The following NRXN3 variants were observed in gnomAD, a reference collection of about 807,000 sequenced individuals.
NRXN3 encodes neurexin 3.
In NRXN3, 32 loss-of-function variants were observed where a neutral mutation model predicts 137.6. The ratio of observed to expected loss-of-function variants is 0.23; its 90% CI spans 0.18 to 0.31. The LOEUF (loss-of-function observed/expected upper bound fraction) is 0.31. NRXN3 is among the 10% of genes least tolerant of loss of function. The pLI is 1.00. For missense variants in NRXN3, 1,574 were observed against 2,062.5 expected, an observed-to-expected ratio of 0.76 and a Z score of 4.59; for synonymous variants, 798 against 784.5, an observed-to-expected ratio of 1.02 and a Z score of -0.29.
In NRXN3 at chr14:79,845,300, A is replaced by C. The variant is rs1262677085; in HGVS notation, c.4094-16042A>C. Among the ~76,000 whole-genome samples, 4 of 152,232 alleles carry C rather than the reference A, an allele frequency of 2.6e-5. No homozygotes were observed. In the East Asian group the frequency reaches 7.7e-4, roughly 29 times the overall value. ...TGGAACAACAATTTTAATCTCTTTC[A>C]AGAACTTTTCCTTTGCATTCACAAC... On this transcript the variant is annotated intron_variant, in intron 20 of 20. Transcript: ENST00000335750.
chr14:79,053,115 A>C (rs1027982664), intron 15 of NRXN3, among the ~76,000 whole-genome samples: 13 of 152,214 alleles, frequency 8.5e-5, no homozygotes, highest in Non-Finnish European at 1.8e-4. Context: ...AGATCTATGG[A>C]TGAAGAAGAC....
At position 79,535,411 on chromosome 14, in the gene NRXN3, A is replaced by C. The variant is rs558849908; in HGVS notation, c.3444+68009A>C. Among the ~76,000 whole-genome samples, 3 of 152,300 alleles carry C rather than the reference A, an allele frequency of 2.0e-5. No individual in the cohort carries two copies. The South Asian group carries it at 6.2e-4, about 32-fold the overall frequency. Reference sequence around the variant, plus strand: ...TCGGTTGCAGCATCAATTAAAATAGAAATTCATTATTGAAACCTCCAGAGT... The same window carrying C: ...TCGGTTGCAGCATCAATTAAAATAGCAATTCATTATTGAAACCTCCAGAGT... On this transcript the variant is annotated intron_variant, in intron 16 of 20. Transcript: ENST00000335750.
intron 15 of NRXN3, among the ~76,000 whole-genome samples, chr14:79,413,965 G>A (rs2095458998): frequency 6.7e-6 from 1 of 150,118 alleles, no homozygotes; most frequent in Admixed American, 6.7e-5. Context: ...GGCAGTGCAT[G>A]GCCTGCAAAA....
intron 15 of NRXN3, among the ~76,000 whole-genome samples, chr14:79,186,212 A>G (rs1256116838): frequency 6.6e-6 from 1 of 151,356 alleles, no homozygotes; most frequent in East Asian, 2.0e-4. Flanking sequence ...ATGAAATAGA[A>G]TTGCATCCAA....
rs552685544 is a variant in NRXN3, at chr14:78,487,202, G to A, written c.758-157918G>A. ...TTTCTCAGATGACTTTTTTTTCTGT[G>A]TGGAATCTGGTTGATATTTTTGGAG... On this transcript the variant is annotated intron_variant, in intron 4 of 20. Coordinates refer to ENST00000335750, the MANE Select transcript of NRXN3 (RefSeq NM_001330195.2). 1.9e-4 allele frequency among the ~76,000 whole-genome samples: 29 copies of A among 151,958 alleles called. 1 individual carries two copies. In the South Asian group the frequency reaches 6.0e-3, roughly 32 times the overall value.
At chr14:78,281,339 A>T (rs1379112493) in intron 3 of NRXN3, among the ~76,000 whole-genome samples, 1 of 152,170 alleles carries the variant, frequency 6.6e-6, no homozygotes, top group Non-Finnish European at 1.5e-5. Context: ...CAAGTTGGGG[A>T]TTTTATGAGC....
In NRXN3 at chr14:79,527,701, C is replaced by T. The variant is rs538859852; in HGVS notation, c.3444+60299C>T. On this transcript the variant is annotated intron_variant, in intron 16 of 20. Transcript: ENST00000335750. ...CAGCCTGGCCAACATGGTGAAACCC[C>T]GTCTCTACTAAAAATACAAAAATTA... is the stretch of plus-strand genomic sequence containing the variant. Among the ~76,000 whole-genome samples, 21 of 151,508 alleles carry T rather than the reference C, an allele frequency of 1.4e-4. No individual in the cohort carries two copies. The South Asian group carries it at 1.7e-3, about 12-fold the overall frequency.
chr14:78,227,580 A>C (rs1596128837), intron 1 of NRXN3, among the ~76,000 whole-genome samples: 1 of 152,078 alleles, frequency 6.6e-6, no homozygotes, highest in Non-Finnish European at 1.5e-5. Flanking sequence ...TTGCACACCC[A>C]CTAGCCTAGG....
intron 15 of NRXN3, chr14:79,314,167 C>T (rs1256496031): frequency 6.8e-6 from 1 of 147,636 alleles, no homozygotes; most frequent in African/African-American, 2.5e-5. Flanking sequence ...GTTCATCTCA[C>T]TAGGGAGTGC....
chr14:78,901,716 T>C (rs1471096449), intron 10 of NRXN3, among the ~76,000 whole-genome samples: 1 of 151,998 alleles, frequency 6.6e-6, no homozygotes, highest in African/African-American at 2.4e-5. Context: ...CAGACCCAGC[T>C]TCAAGGTGGG....
chr14:78,591,887 T>A (rs2097121038), intron 4 of NRXN3, among the ~76,000 whole-genome samples: 1 of 152,162 alleles, frequency 6.6e-6, no homozygotes, highest in Admixed American at 6.5e-5. Flanking sequence ...TGTGGAATGT[T>A]TAGATTCATA....
intron 19 of NRXN3, among the ~76,000 whole-genome samples, chr14:79,703,837 G>T (rs1320827828): frequency 6.6e-6 from 1 of 152,038 alleles, no homozygotes; most frequent in African/African-American, 2.4e-5. Flanking sequence ...ATAGTAAAGT[G>T]CAATCATGTG....
chr14:79,584,098 A>T (rs1354298492), intron 16 of NRXN3, among the ~76,000 whole-genome samples: 1 of 151,790 alleles, frequency 6.6e-6, no homozygotes, highest in African/African-American at 2.4e-5. Context: ...TACTAGGATA[A>T]TTTTTTCTCC....
At chr14:78,651,755 T>C (rs1411700844) in intron 6 of NRXN3, among the ~76,000 whole-genome samples, 1 of 150,628 alleles carries the variant, frequency 6.6e-6, no homozygotes, top group Non-Finnish European at 1.5e-5. Context: ...ATGAGACTTA[T>C]TCACTATCAT....
chr14:78,247,606 T>A (rs964467912), intron 2 of NRXN3, among the ~76,000 whole-genome samples: 2 of 152,148 alleles, frequency 1.3e-5, no homozygotes, highest in Non-Finnish European at 2.9e-5. Context: ...TTAAAAATTA[T>A]GTATATCTTG....
intron 16 of NRXN3, among the ~76,000 whole-genome samples, chr14:79,538,023 T>C (rs1336797981): frequency 6.6e-6 from 1 of 152,238 alleles, no homozygotes; most frequent in Non-Finnish European, 1.5e-5. Context: ...GGTTTTGATT[T>C]GCATTTCTCT....
At chr14:79,470,370 T>C (rs1364521315) in intron 16 of NRXN3, among the ~76,000 whole-genome samples, 2 of 152,096 alleles carry the variant, frequency 1.3e-5, no homozygotes, top group Non-Finnish European at 2.9e-5. Context: ...GTCTGGTGTC[T>C]TGTGAGGGCC....
Position 79,308,907 on chromosome 14 carries a change from T to G in NRXN3, c.3263-158314T>G, listed in dbSNP as rs547126398. ...TTTATTTTATTTTTTTTTATTTTATTTATTTATTTATTTATTTATTTTTTA... is the reference window on the plus strand; with the variant it reads ...TTTATTTTATTTTTTTTTATTTTATGTATTTATTTATTTATTTATTTTTTA... On this transcript the variant is annotated intron_variant, in intron 15 of 20. Transcript: ENST00000335750. Among the ~76,000 whole-genome samples the G allele has an allele frequency of 5.4e-5, 8 of 146,834 alleles. No homozygotes were observed. In the South Asian group the frequency reaches 1.5e-3, roughly 27 times the overall value.
At chr14:79,587,408 A>G (rs1192385540) in intron 16 of NRXN3, among the ~76,000 whole-genome samples, 1 of 152,234 alleles carries the variant, frequency 6.6e-6, no homozygotes, top group African/African-American at 2.4e-5. Flanking sequence ...GATGACTGCC[A>G]TGATTTGCCT....
Sources: gnomAD v4.1 joint callset for allele counts (sites outside exome capture counted in the v4.1 genomes callset) on GRCh38, gnomAD v4.1.1 for gene constraint, MANE v1.5 for transcripts, NCBI Gene and HGNC (gene_info 2026-07-23, HGNC 2026-07-21) for gene names.